The following TMPRSS11F variants were observed in gnomAD, a reference collection of about 807,000 sequenced individuals.
TMPRSS11F encodes transmembrane protease serine 11F.
TMPRSS11F carries 47 observed loss-of-function variants against 60.2 expected under a neutral mutation model. The ratio of observed to expected loss-of-function variants is 0.78; its 90% CI spans 0.62 to 1.00. The LOEUF (loss-of-function observed/expected upper bound fraction) is 1.00, where lower values mean the gene tolerates loss of function less well. TMPRSS11F is among the 50% of genes least tolerant of loss of function. The pLI is 0.00. For missense variants in TMPRSS11F, 519 were observed against 522.9 expected, an observed-to-expected ratio of 0.99 and a Z score of 0.07; for synonymous variants, 166 against 167.3, an observed-to-expected ratio of 0.99 and a Z score of 0.06.
chr4:68,054,020 G>A lies in TMPRSS11F; in HGVS notation c.1206C>T (p.Tyr402=), dbSNP rs761843293. 1.2e-6 allele frequency: 2 copies of A among 1,613,276 alleles called. No homozygotes were observed. Among genetic ancestry groups the A allele is most frequent in the South Asian group, 1.1e-5 (1 of 91,030 alleles). ...GTCCCCAACTTACTATACCTACAAT[G>A]TACCAGATGTCATGATTATCATAAA... ...PLVYDNHDIW[Y]IVGIVSWGQS... is the part of the protein sequence containing the mutation. Residue 402 remains tyrosine, a synonymous_variant, in exon 10 of 10, where the codon TAC becomes TAT. Coordinates refer to ENST00000356291, the MANE Select transcript of TMPRSS11F (RefSeq NM_207407.2).
At chr4:68,124,825 A>G (rs1339013845) in intron 1 of TMPRSS11F, among the ~76,000 whole-genome samples, 3 of 151,288 alleles carry the variant, frequency 2.0e-5, no homozygotes, top group Non-Finnish European at 4.4e-5. Context: ...TTTCGCACTG[A>G]GTTGTTTTGT....
At chr4:68,096,401 T>C (rs949981947) in intron 2 of TMPRSS11F, among the ~76,000 whole-genome samples, 18 of 152,174 alleles carry the variant, frequency 1.2e-4, no homozygotes, top group Admixed American at 2.0e-4. Context: ...TAATAGTCAA[T>C]TAATAACACA....
At chr4:68,115,045 T>TTTGAA (rs1263686226) in intron 1 of TMPRSS11F, among the ~76,000 whole-genome samples, 81 of 135,542 alleles carry the variant, frequency 6.0e-4, no homozygotes, top group African/African-American at 2.2e-3. Context: ...TTCAACAAGC[T>TTTGAA]AGGGATAGAA....
At chr4:68,068,887 T>G in intron 6 of TMPRSS11F, 68 bp from the exon 7 acceptor site, 1 of 1,534,990 alleles carries the variant, frequency 6.5e-7, no homozygotes, top group Non-Finnish European at 9.0e-7. Flanking sequence ...TGATTTGCTT[T>G]GGTTATAGAC....
chr4:68,105,210 T>G (rs1053154329), intron 1 of TMPRSS11F, among the ~76,000 whole-genome samples: 2 of 152,052 alleles, frequency 1.3e-5, no homozygotes, highest in Non-Finnish European at 2.9e-5. Flanking sequence ...GCATCTATTT[T>G]AAAAGATAAA....
At chr4:68,103,773 A>G (rs1462387855) in intron 1 of TMPRSS11F, among the ~76,000 whole-genome samples, 1 of 152,142 alleles carries the variant, frequency 6.6e-6, no homozygotes, top group Non-Finnish European at 1.5e-5. Flanking sequence ...AACAATAGTA[A>G]TTCTGATTCA....
rs1722992219 is a variant in TMPRSS11F, at chr4:68,054,002, A to G, written c.1224T>C (p.Ser408=). Residue 408 remains serine, a synonymous_variant, in exon 10 of 10, where the codon AGT becomes AGC. Transcript: ENST00000356291. The part of the protein sequence containing the change: ...HDIWYIVGIV[S]WGQSCALPKK... ...TGGGAAGTGCACATGATTGTCCCCA[A>G]CTTACTATACCTACAATGTACCAGA... is the stretch of plus-strand genomic sequence containing the variant. The G allele has an allele frequency of 1.2e-6, 2 of 1,613,512 alleles. No individual in the cohort carries two copies. The highest frequency in any genetic ancestry group is 2.7e-5 in the African/African-American group (2 of 75,010).
At chr4:68,097,281 C>T (rs1419119666) in intron 2 of TMPRSS11F, among the ~76,000 whole-genome samples, 1 of 152,158 alleles carries the variant, frequency 6.6e-6, no homozygotes, top group Non-Finnish European at 1.5e-5. Flanking sequence ...GTGAGTTTTA[C>T]AAAGCTAAAA....
chr4:68,078,914 C>T (rs1248462736), intron 3 of TMPRSS11F, among the ~76,000 whole-genome samples: 1 of 151,892 alleles, frequency 6.6e-6, no homozygotes, highest in Non-Finnish European at 1.5e-5. Flanking sequence ...CTTTGAAATT[C>T]TGAACTGTGT....
At position 68,083,430 on chromosome 4, in the gene TMPRSS11F, G is replaced by A. The variant is rs112880582; in HGVS notation, c.282+7093C>T. 4.7e-3 allele frequency among the ~76,000 whole-genome samples: 714 copies of A among 152,258 alleles called. 8 individuals carry two copies. Among genetic ancestry groups the A allele is most frequent in the African/African-American group, 0.017 (694 of 41,546 alleles). On this transcript the variant is annotated intron_variant, in intron 3 of 9. Transcript: ENST00000356291. ...CACTGAAATACACAAGAGCAGGGCA[G>A]CTAACAGCCTATCTGCCAGTCATTA...
intron 7 of TMPRSS11F, 44 bp from the exon 8 acceptor site, chr4:68,064,988 T>G (rs958792391): frequency 3.2e-6 from 5 of 1,553,678 alleles, no homozygotes; most frequent in Non-Finnish European, 4.4e-6. Context: ...TTGACTTAAT[T>G]CTGTAAAAAA....
intron 2 of TMPRSS11F, among the ~76,000 whole-genome samples, chr4:68,096,952 G>A (rs2109870094): frequency 6.6e-6 from 1 of 152,232 alleles, no homozygotes; most frequent in East Asian, 1.9e-4. Context: ...TTCCTTTACT[G>A]AATTCTTTCT....
intron 8 of TMPRSS11F, among the ~76,000 whole-genome samples, chr4:68,060,351 CAA>C (rs1347255741): frequency 4.1e-5 from 5 of 121,518 alleles, no homozygotes; most frequent in Admixed American, 8.4e-5. Context: ...ACTAAAAATA[CAA>C]AAAAAAAAAA....
intron 1 of TMPRSS11F, among the ~76,000 whole-genome samples, chr4:68,113,840 A>G (rs1724459347): frequency 6.6e-6 from 1 of 152,168 alleles, no homozygotes; most frequent in African/African-American, 2.4e-5. Flanking sequence ...ATTATCTTCC[A>G]CTGCATATAC....
chr4:68,121,386 G>GA (rs886430291), intron 1 of TMPRSS11F, among the ~76,000 whole-genome samples: 4 of 152,194 alleles, frequency 2.6e-5, no homozygotes, highest in African/African-American at 7.2e-5. Flanking sequence ...ACTCTCTTCT[G>GA]AAAAATATGT....
intron 1 of TMPRSS11F, among the ~76,000 whole-genome samples, chr4:68,104,823 T>C (rs1724268473): frequency 1.3e-5 from 2 of 152,192 alleles, no homozygotes; most frequent in South Asian, 2.1e-4. Flanking sequence ...TTGATGTATG[T>C]ATGTTAAACC....
chr4:68,085,988 A>C (rs1295536356), intron 3 of TMPRSS11F, among the ~76,000 whole-genome samples: 1 of 152,148 alleles, frequency 6.6e-6, no homozygotes, highest in African/African-American at 2.4e-5. Context: ...CAAAACTAAC[A>C]CAGAAATTGT....
intron 9 of TMPRSS11F, among the ~76,000 whole-genome samples, chr4:68,054,699 C>T (rs559833706): frequency 9.2e-5 from 14 of 152,224 alleles, no homozygotes; most frequent in African/African-American, 3.1e-4. Context: ...CTTAAGCTTT[C>T]TGTGTCACTT....
At chr4:68,120,894 T>C (rs1315214084) in intron 1 of TMPRSS11F, among the ~76,000 whole-genome samples, 1 of 152,230 alleles carries the variant, frequency 6.6e-6, no homozygotes, top group African/African-American at 2.4e-5. Flanking sequence ...TAGAGTATTT[T>C]TCATTAAGGT....
Sources: gnomAD v4.1 joint callset for allele counts (sites outside exome capture counted in the v4.1 genomes callset) on GRCh38, gnomAD v4.1.1 for gene constraint, MANE v1.5 for transcripts, NCBI Gene and HGNC (gene_info 2026-07-23, HGNC 2026-07-21) for gene names.